Variants in CUL5 observed in about 807,000 individuals in gnomAD.
CUL5 encodes the protein cullin-5.
CUL5 carries 26 observed loss-of-function variants against 108.8 expected under a neutral mutation model. The ratio of observed to expected loss-of-function variants is 0.24; its 90% CI spans 0.18 to 0.33. The LOEUF (loss-of-function observed/expected upper bound fraction) is 0.33, where lower values mean the gene tolerates loss of function less well. Ranked by LOEUF, CUL5 falls within the 10% of genes least tolerant of loss-of-function variation. CUL5 has a pLI of 1.00. For missense variants in CUL5, 524 were observed against 909.2 expected, an observed-to-expected ratio of 0.58 and a Z score of 5.45; for synonymous variants, 334 against 298.0, an observed-to-expected ratio of 1.12 and a Z score of -1.25.
chr11:108,094,801 C>A lies in CUL5; in HGVS notation c.1568-11C>A. On this transcript the variant is annotated splice_polypyrimidine_tract_variant and intron_variant, in intron 14 of 18. Coordinates refer to ENST00000393094, the MANE Select transcript of CUL5 (RefSeq NM_003478.6). The stretch of plus-strand genomic sequence containing the variant: ...TAATTTACTTTATATTCCTGATATT[C>A]TTCTCTATAGCTGATTCAGTTAATA... The A allele has an allele frequency of 1.3e-6, 2 of 1,539,442 alleles. No homozygotes were observed. Among genetic ancestry groups the A allele is most frequent in the South Asian group, 1.3e-5 (1 of 79,302 alleles).
intron 1 of CUL5, among the ~76,000 whole-genome samples, chr11:108,023,662 A>G (rs1862382975): frequency 6.6e-6 from 1 of 152,256 alleles, no homozygotes; most frequent in African/African-American, 2.4e-5. Context: ...CCCAATGCAC[A>G]GTAGAGTCTC....
intron 7 of CUL5, among the ~76,000 whole-genome samples, chr11:108,057,123 C>A (rs915474373): frequency 2.0e-5 from 3 of 152,152 alleles, no homozygotes; most frequent in African/African-American, 4.8e-5. Flanking sequence ...TATGAACTTT[C>A]AACTGTAAAA....
chr11:108,025,500 G>C (rs1237465339), intron 1 of CUL5, among the ~76,000 whole-genome samples: 2 of 152,138 alleles, frequency 1.3e-5, no homozygotes, highest in African/African-American at 4.8e-5. Context: ...AGTGTGTCCA[G>C]AATATCACTC....
At chr11:108,055,580 G>A (rs1863353169) in intron 7 of CUL5, among the ~76,000 whole-genome samples, 2 of 151,518 alleles carry the variant, frequency 1.3e-5, no homozygotes, top group South Asian at 2.1e-4. Flanking sequence ...AAGTAGCTGG[G>A]ACTACAGGCA....
rs137867679 is a variant in CUL5, at chr11:108,027,698, C to T, written c.25-6104C>T. Reference sequence around the variant, plus strand: ...TTGGGATTACAAGCATGAACTATTGCGCCTGGCTCCTCGTTTCTCTTAATT... The same window carrying T: ...TTGGGATTACAAGCATGAACTATTGTGCCTGGCTCCTCGTTTCTCTTAATT... On this transcript the variant is annotated intron_variant, in intron 1 of 18. Coordinates refer to ENST00000393094, the MANE Select transcript of CUL5 (RefSeq NM_003478.6). Among the ~76,000 whole-genome samples the T allele has an allele frequency of 5.9e-4, 90 of 152,256 alleles. No individual in the cohort carries two copies. The East Asian group carries it at 0.014, about 24-fold the overall frequency.
At chr11:108,079,179 C>G (rs1053687391) in intron 11 of CUL5, among the ~76,000 whole-genome samples, 1 of 152,238 alleles carries the variant, frequency 6.6e-6, no homozygotes, top group Non-Finnish European at 1.5e-5. Flanking sequence ...CCTCAGCTCA[C>G]TGCAACCTTT....
At chr11:108,023,819 A>G (rs2135060462) in intron 1 of CUL5, among the ~76,000 whole-genome samples, 1 of 152,332 alleles carries the variant, frequency 6.6e-6, no homozygotes, top group African/African-American at 2.4e-5. Context: ...AATTTGTTTG[A>G]AATTTTTTTC....
chr11:108,088,694 T>G (rs369929530), intron 12 of CUL5, 35 bp downstream of exon 12: 140 of 1,515,292 alleles, frequency 9.2e-5, no homozygotes, highest in Middle Eastern at 1.9e-4. Context: ...CTTTTAAAAT[T>G]ACCTTACTTT....
At chr11:108,070,920 C>T (rs886359714) in intron 8 of CUL5, among the ~76,000 whole-genome samples, 7 of 152,022 alleles carry the variant, frequency 4.6e-5, no homozygotes, top group South Asian at 4.1e-4. Context: ...GCTTTATTGG[C>T]GTAAACAAAA....
At chr11:108,058,824 A>G (rs182000249) in intron 7 of CUL5, among the ~76,000 whole-genome samples, 8 of 152,290 alleles carry the variant, frequency 5.3e-5, no homozygotes. Context: ...GATTTTACAT[A>G]CAATTCTAAT....
intron 13 of CUL5, among the ~76,000 whole-genome samples, chr11:108,092,475 A>G (rs373501220): frequency 6.6e-6 from 1 of 152,262 alleles, no homozygotes; most frequent in Non-Finnish European, 1.5e-5. Flanking sequence ...GCTAATGAAT[A>G]AAATGTGATT....
At chr11:108,058,208 CAAA>C (rs371453494) in intron 7 of CUL5, among the ~76,000 whole-genome samples, 13 of 71,886 alleles carry the variant, frequency 1.8e-4, no homozygotes, top group African/African-American at 3.7e-4. Context: ...GACTCTGTCT[CAAA>C]AAAAAAAAAA....
At position 108,072,258 on chromosome 11, in the gene CUL5, A is replaced by G. The variant is rs556644154; in HGVS notation, c.875-74A>G. The G allele has an allele frequency of 3.4e-4, 414 of 1,233,940 alleles. 1 individual carries two copies. In the South Asian group the frequency reaches 6.0e-3, roughly 18 times the overall value. The allele number at this position is 1,233,940 out of a possible 1,614,324, so 76.4% of individuals were successfully genotyped here. On this transcript the variant is annotated intron_variant, in intron 8 of 18. Coordinates refer to ENST00000393094, the MANE Select transcript of CUL5 (RefSeq NM_003478.6). Reference sequence around the variant, plus strand: ...TCCACAGAATACTATTAACATTACAAACTTAACTAATGTTTCTCTAAACTC... The same window carrying G: ...TCCACAGAATACTATTAACATTACAGACTTAACTAATGTTTCTCTAAACTC...
intron 1 of CUL5, among the ~76,000 whole-genome samples, chr11:108,029,675 A>G (rs1442622508): frequency 6.6e-6 from 1 of 152,214 alleles, no homozygotes; most frequent in African/African-American, 2.4e-5. Context: ...TTTGGAATCT[A>G]TTATAAAAGT....
intron 18 of CUL5, 24 bp from the exon 19 acceptor site, chr11:108,104,166 T>G: frequency 6.8e-7 from 1 of 1,476,120 alleles, no homozygotes; most frequent in Non-Finnish European, 9.2e-7. Context: ...ATTAATGCGC[T>G]TTTATTTTTA....
intron 3 of CUL5, among the ~76,000 whole-genome samples, chr11:108,047,795 G>A (rs895486011): frequency 1.6e-4 from 25 of 152,178 alleles, no homozygotes; most frequent in Admixed American, 3.9e-4. Context: ...AATGTACCAC[G>A]TTTTCTTTTT....
intron 7 of CUL5, among the ~76,000 whole-genome samples, chr11:108,069,243 C>T (rs1027635925): frequency 6.6e-6 from 1 of 152,148 alleles, no homozygotes; most frequent in South Asian, 2.1e-4. Flanking sequence ...TGTACTCCAG[C>T]TTGGGCAGCA....
At chr11:108,085,704 T>A (rs1342062714) in intron 11 of CUL5, among the ~76,000 whole-genome samples, 1 of 152,200 alleles carries the variant, frequency 6.6e-6, no homozygotes, top group Non-Finnish European at 1.5e-5. Flanking sequence ...AAATACCACT[T>A]ATTGTATGAT....
chr11:108,071,123 C>G (rs1863809878), intron 8 of CUL5, among the ~76,000 whole-genome samples: 1 of 152,134 alleles, frequency 6.6e-6, no homozygotes, highest in South Asian at 2.1e-4. Context: ...ATTCTAATCT[C>G]TAATATAGTT....
Sources: gnomAD v4.1 joint callset for allele counts (sites outside exome capture counted in the v4.1 genomes callset) on GRCh38, gnomAD v4.1.1 for gene constraint, MANE v1.5 for transcripts, NCBI Gene and HGNC (gene_info 2026-07-23, HGNC 2026-07-21) for gene names.